The following GNL2 variants were observed in gnomAD, a reference collection of about 807,000 sequenced individuals.
GNL2 encodes nucleolar GTP-binding protein 2.
Under a neutral mutation model 92.3 loss-of-function variants are expected in GNL2, and 51 were observed. That is an observed-to-expected ratio of 0.55 (90% CI 0.44 to 0.70). GNL2 has a LOEUF of 0.70. Ranked by LOEUF, GNL2 falls within the 30% of genes least tolerant of loss-of-function variation. GNL2 has a pLI of 0.00. For synonymous variants in GNL2, 283 were observed against 300.6 expected (o/e 0.94, Z 0.61); for missense variants, 844 against 895.6 (o/e 0.94, Z 0.74).
intron 5 of GNL2, among the ~76,000 whole-genome samples, chr1:37,584,461 TAA>T (rs377282004): frequency 1.7e-5 from 2 of 115,252 alleles, no homozygotes; most frequent in Admixed American, 8.7e-5. Context: ...AATAATTAAT[TAA>T]AAAAAAAAAA....
chr1:37,571,332 G>A (rs1333543567), intron 12 of GNL2, among the ~76,000 whole-genome samples: 1 of 152,154 alleles, frequency 6.6e-6, no homozygotes, highest in Non-Finnish European at 1.5e-5. Flanking sequence ...TGACATTTGG[G>A]TCATAAGACT....
Position 37,590,403 on chromosome 1 carries a change from G to A in GNL2, c.384+303C>T, listed in dbSNP as rs191762683. Reference sequence around the variant, plus strand: ...ATTACAGGCGTGAGCCACTGTGTCCGACCTATCTATACTTTCAAGGCAAAG... The same window carrying A: ...ATTACAGGCGTGAGCCACTGTGTCCAACCTATCTATACTTTCAAGGCAAAG... On this transcript the variant is annotated intron_variant, in intron 4 of 15. Coordinates refer to ENST00000373062, the MANE Select transcript of GNL2 (RefSeq NM_013285.3). 3.2e-3 allele frequency among the ~76,000 whole-genome samples: 481 copies of A among 152,292 alleles called. 13 individuals are homozygous for A. Among genetic ancestry groups the A allele is most frequent in the Admixed American group, 0.028 (427 of 15,286 alleles).
chr1:37,574,615 T>C, intron 11 of GNL2, 50 bp downstream of exon 11: 2 of 1,575,890 alleles, frequency 1.3e-6, no homozygotes, highest in Non-Finnish European at 8.7e-7. Context: ...ATCATATACA[T>C]ACATGCTTGT....
At chr1:37,588,000 T>C (rs1399900589) in intron 4 of GNL2, among the ~76,000 whole-genome samples, 4 of 152,214 alleles carry the variant, frequency 2.6e-5, no homozygotes, top group Non-Finnish European at 5.9e-5. Flanking sequence ...ATTTCTTTCA[T>C]GGCTAAAAGG....
chr1:37,582,715 C>T, intron 7 of GNL2, 63 bp downstream of exon 7: 1 of 1,303,138 alleles, frequency 7.7e-7, no homozygotes, highest in Non-Finnish European at 1.1e-6. Context: ...AGCCTAAAAG[C>T]CCTACAACTG....
intron 4 of GNL2, among the ~76,000 whole-genome samples, chr1:37,590,349 C>G (rs959724011): frequency 6.6e-6 from 1 of 152,218 alleles, no homozygotes; most frequent in African/African-American, 2.4e-5. Flanking sequence ...CTCAGGTGAT[C>G]CGCCTGCCTG....
intron 8 of GNL2, among the ~76,000 whole-genome samples, chr1:37,577,359 T>C (rs1359625340): frequency 6.6e-6 from 1 of 152,044 alleles, no homozygotes. Context: ...AAGGCAGAGC[T>C]TGCTATCAAG....
rs558326016 is a variant in GNL2 at position 37,595,900 on chromosome 1, C to T, written c.-78G>A. 7.3e-6 allele frequency: 9 copies of T among 1,229,862 alleles called. No homozygotes were observed. In the South Asian group the frequency reaches 1.1e-4, roughly 15 times the overall value. The allele number at this position is 1,229,862 out of a possible 1,614,324, so 76.2% of individuals were successfully genotyped here. The stretch of plus-strand genomic sequence containing the variant: ...AAACTTTTATGTTCCCAAGCCCGGC[C>T]GAAGACACCCGCCTGAACCACGCCG... On this transcript the variant is annotated 5_prime_UTR_variant, in exon 1 of 16. Coordinates refer to ENST00000373062, the MANE Select transcript of GNL2 (RefSeq NM_013285.3).
Position 37,569,281 on chromosome 1 carries a change from C to T in GNL2, c.1438G>A (p.Glu480Lys), listed in dbSNP as rs1445775596. ...TTCTGGGCTGCTTCTGGGACAACTT[C>T]CAAAGATGAGGAGGGTAGAAGCTAT... ...APQLLPSSSLEVVPEAAQNNP... is the reference protein window; with the variant it reads ...APQLLPSSSLKVVPEAAQNNP... Residue 480 changes from glutamate to lysine, a missense_variant, in exon 13 of 16, where the codon GAA (glutamate) becomes AAA (lysine). Glu to Lys is a moderately conservative substitution (Grantham distance 56). Coordinates refer to ENST00000373062, the MANE Select transcript of GNL2 (RefSeq NM_013285.3). 15 of 1,610,884 alleles carry T rather than the reference C, an allele frequency of 9.3e-6. No homozygotes were observed. The Admixed American group carries it at 2.0e-4, about 21-fold the overall frequency.
chr1:37,569,235 G>A lies in GNL2; in HGVS notation c.1484C>T (p.Thr495Ile), dbSNP rs189135859. 150 of 1,613,748 alleles carry A rather than the reference G, an allele frequency of 9.3e-5. 1 individual carries two copies. Among genetic ancestry groups the A allele is most frequent in the Middle Eastern group, 8.2e-4 (5 of 6,062 alleles). Residue 495 changes from threonine (T) to isoleucine (I), a missense_variant, in exon 13 of 16, where the codon ACA becomes ATA. Thr to Ile is a moderately conservative substitution (Grantham distance 89). Transcript: ENST00000373062. ...AAQNNPGEEVTETAGEGSESI... is the reference protein window; with the variant it reads ...AAQNNPGEEVIETAGEGSESI... ...TTCTGACCCTTCACCTGCAGTTTCT[G>A]TGACTTCCTCCCCTGGATTGTTCTG...
rs915541003 is a variant in GNL2 at position 37,589,344 on chromosome 1, G to A, written c.384+1362C>T. 2.6e-5 allele frequency among the ~76,000 whole-genome samples: 4 copies of A among 152,142 alleles called. No homozygotes were observed. The East Asian group carries it at 5.8e-4, about 22-fold the overall frequency. ...ATTTGAGACGGAGTCTTGCTCTGTCGCCTGGGCTGGCACGCAGTGGCGCAA... is the reference window on the plus strand; with the variant it reads ...ATTTGAGACGGAGTCTTGCTCTGTCACCTGGGCTGGCACGCAGTGGCGCAA... On this transcript the variant is annotated intron_variant, in intron 4 of 15. Coordinates refer to ENST00000373062, the MANE Select transcript of GNL2 (RefSeq NM_013285.3).
chr1:37,575,502 G>C lies in GNL2; in HGVS notation c.1143+93C>G. On this transcript the variant is annotated intron_variant, in intron 10 of 15. Coordinates refer to ENST00000373062, the MANE Select transcript of GNL2 (RefSeq NM_013285.3). The surrounding 1 kb of genome is among the most constrained non-coding windows in gnomAD (Gnocchi z 4.1). ...TGGTCAGACAGGCTGACCCCAAACT[G>C]CCTTCTTAATAAGTAAAAAGGAAAG... is the stretch of plus-strand genomic sequence containing the variant. 1.5e-6 allele frequency: 1 copy of C among 676,762 alleles called. No homozygotes were observed. The highest frequency in any genetic ancestry group is 2.5e-5 in the South Asian group (1 of 40,798). The allele number at this position is 676,762 out of a possible 1,614,324, so 41.9% of individuals were successfully genotyped here.
intron 3 of GNL2, among the ~76,000 whole-genome samples, chr1:37,592,496 TCAATTA>T (rs1156727086): frequency 6.6e-6 from 1 of 152,188 alleles, no homozygotes; most frequent in African/African-American, 2.4e-5. Context: ...TTAAGAGGGT[TCAATTA>T]CAATTACTAA....
chr1:37,567,070 A>T, intron 15 of GNL2, 63 bp from the exon 16 acceptor site: 7 of 1,519,576 alleles, frequency 4.6e-6, no homozygotes, highest in Non-Finnish European at 6.3e-6. Context: ...GTCATTCACA[A>T]AACAGGAGTC....
chr1:37,573,571 G>A (rs2148130494), intron 12 of GNL2, among the ~76,000 whole-genome samples: 1 of 152,324 alleles, frequency 6.6e-6, no homozygotes, highest in Middle Eastern at 3.4e-3. Flanking sequence ...GGCCAGGGCT[G>A]TTTTTCGTTC....
chr1:37,569,242 C>T lies in GNL2; in HGVS notation c.1477G>A (p.Glu493Lys). ...PEAAQNNPGE[E>K]VTETAGEGSE... The stretch of plus-strand genomic sequence containing the variant: ...CCTTCACCTGCAGTTTCTGTGACTT[C>T]CTCCCCTGGATTGTTCTGGGCTGCT... Residue 493 changes from glutamate to lysine, a missense_variant, in exon 13 of 16, where the codon GAA becomes AAA. Glu to Lys is a moderately conservative substitution (Grantham distance 56, BLOSUM62 1). Transcript: ENST00000373062. 1.2e-6 allele frequency: 2 copies of T among 1,613,676 alleles called. No homozygotes were observed. Among genetic ancestry groups the T allele is most frequent in the Non-Finnish European group, 8.5e-7 (1 of 1,180,010 alleles).
At chr1:37,572,088 TC>T (rs1643603038) in intron 12 of GNL2, among the ~76,000 whole-genome samples, 1 of 152,142 alleles carries the variant, frequency 6.6e-6, no homozygotes, top group African/African-American at 2.4e-5. Flanking sequence ...TATTAAGGGC[TC>T]TGCTGAAGTG....
chr1:37,568,687 C>G (rs1419664397), intron 13 of GNL2, among the ~76,000 whole-genome samples, 164 bp downstream of exon 13: 1 of 152,136 alleles, frequency 6.6e-6, no homozygotes, highest in Non-Finnish European at 1.5e-5. Flanking sequence ...TGAGGCCAGT[C>G]TAGGCAACAT....
intron 5 of GNL2, 135 bp downstream of exon 5, chr1:37,587,176 A>G (rs1359634729): frequency 6.6e-5 from 41 of 622,028 alleles, no homozygotes; most frequent in Non-Finnish European, 1.1e-4. Flanking sequence ...CTGAGGCAGG[A>G]GAATTGCTTG....
Sources: allele counts gnomAD v4.1 joint callset (sites outside exome capture counted in the v4.1 genomes callset), GRCh38; gene constraint gnomAD v4.1.1; non-coding constraint Gnocchi (gnomAD v3.1); transcripts MANE v1.5; gene names NCBI Gene and HGNC (gene_info 2026-07-23, HGNC 2026-07-21).